The following FAM107A variants were observed in gnomAD, a reference collection of about 807,000 sequenced individuals.
The protein encoded by FAM107A is family with sequence similarity 107 member A.
FAM107A carries 19 observed loss-of-function variants against 13.7 expected under a neutral mutation model. The observed-to-expected ratio is 1.38, with a 90% CI of 0.97 to 2.03. The LOEUF (loss-of-function observed/expected upper bound fraction) is 2.03. Ranked by LOEUF, FAM107A falls within the 30% of genes most tolerant of loss-of-function variation. FAM107A has a pLI of 0.00. For missense variants in FAM107A, 203 were observed against 184.4 expected, an observed-to-expected ratio of 1.10 and a Z score of -0.58; for synonymous variants, 82 against 74.5, an observed-to-expected ratio of 1.10 and a Z score of -0.52.
chr3:58,594,936 G>A (rs2065685522), intron 1 of FAM107A, among the ~76,000 whole-genome samples: 1 of 152,048 alleles, frequency 6.6e-6, no homozygotes, highest in Non-Finnish European at 1.5e-5. Context: ...CCAATTCTTA[G>A]TCCTTTAATA....
upstream of FAM107A, among the ~76,000 whole-genome samples, chr3:58,587,409 C>A (rs1387584462): frequency 6.6e-6 from 1 of 151,870 alleles, no homozygotes; most frequent in African/African-American, 2.4e-5. Context: ...ACTCAGTTTC[C>A]TCATCTGTAA....
exon 1 of FAM107A, chr3:58,586,941 C>G (rs964780202): frequency 6.5e-7 from 1 of 1,527,910 alleles, no homozygotes; most frequent in Admixed American, 2.0e-5. Flanking sequence ...CGCCATGCCC[C>G]CGCGCCTCCT....
chr3:58,602,888 G>T (rs1559484123), intron 1 of FAM107A, among the ~76,000 whole-genome samples: 1 of 152,026 alleles, frequency 6.6e-6, no homozygotes, highest in Non-Finnish European at 1.5e-5. Context: ...ACATGTTTGT[G>T]GGTGTAGATA....
chr3:58,565,491 C>T lies in FAM107A; in HGVS notation c.*1097G>A, dbSNP rs867989627. ...GAATTGCATCGTAACAGTGTGGTCA[C>T]ACTGGTAAGAAATGCAGATTGGCAA... On this transcript the variant is annotated 3_prime_UTR_variant, in exon 4 of 4. Coordinates refer to ENST00000360997, the MANE Select transcript of FAM107A (RefSeq NM_001076778.3). The T allele has an allele frequency of 8.0e-6, 1 of 124,944 alleles. No homozygotes were observed. Among genetic ancestry groups the T allele is most frequent in the Non-Finnish European group, 1.6e-5 (1 of 63,614 alleles). 7.7% of individuals were successfully genotyped at this position (124,944 alleles called of 1,614,324 possible). A position where few individuals can be genotyped will look rare whatever the true frequency, so the allele number is the denominator to read the frequency against.
chr3:58,622,115 C>G (rs767728455), intron 1 of FAM107A, among the ~76,000 whole-genome samples: 4 of 152,172 alleles, frequency 2.6e-5, no homozygotes, highest in Non-Finnish European at 5.9e-5. Context: ...GCAGCCTCTA[C>G]TTTGCTGGGC....
chr3:58,595,423 C>T (rs2065690365), intron 1 of FAM107A, among the ~76,000 whole-genome samples: 1 of 152,144 alleles, frequency 6.6e-6, no homozygotes, highest in South Asian at 2.1e-4. Flanking sequence ...TTTGTTCCTG[C>T]CCCACCTTAA....
At chr3:58,578,625 A>C (rs2063749265), upstream of FAM107A, among the ~76,000 whole-genome samples, 1 of 152,152 alleles carries the variant, frequency 6.6e-6, no homozygotes, top group South Asian at 2.1e-4. Flanking sequence ...ATGTATGTAG[A>C]TCCTTAAGGC....
chr3:58,578,476 G>T (rs1205915088), upstream of FAM107A, among the ~76,000 whole-genome samples: 1 of 149,356 alleles, frequency 6.7e-6, no homozygotes, highest in Non-Finnish European at 1.5e-5. Context: ...GCTGAGGCAG[G>T]AGAATTGCTT....
upstream of FAM107A, among the ~76,000 whole-genome samples, chr3:58,589,008 G>T (rs59686648): frequency 2.0e-5 from 3 of 152,092 alleles, no homozygotes; most frequent in Non-Finnish European, 4.4e-5. Context: ...TGACTTGCTC[G>T]AGATCACATA....
At chr3:58,616,565 A>AC (rs1553631042) in intron 1 of FAM107A, among the ~76,000 whole-genome samples, 99 of 144,880 alleles carry the variant, frequency 6.8e-4, no homozygotes, top group African/African-American at 1.8e-3. Context: ...ACACACACAC[A>AC]CACCACCACT....
intron 1 of FAM107A, among the ~76,000 whole-genome samples, chr3:58,571,739 A>G (rs2063685955): frequency 6.6e-6 from 1 of 152,142 alleles, no homozygotes. Context: ...CCATCCTTTG[A>G]CTGAGTAATT....
chr3:58,577,543 G>C (rs1217345590), upstream of FAM107A: 23 of 985,336 alleles, frequency 2.3e-5, no homozygotes, highest in Non-Finnish European at 2.4e-5. This position sits in a 1 kb window ranked among gnomAD's most constrained non-coding sequence, Gnocchi z 4.9. Context: ...CTTGGTGCAC[G>C]GCCACTTCCA....
chr3:58,577,318 C>T lies in FAM107A; in HGVS notation c.-15G>A, dbSNP rs552694460. The T allele has an allele frequency of 1.9e-5, 19 of 985,268 alleles. No individual in the cohort carries two copies. In the East Asian group the frequency reaches 1.4e-3, roughly 71 times the overall value. 61.0% of individuals were successfully genotyped at this position (985,268 alleles called of 1,614,324 possible). The stretch of plus-strand genomic sequence containing the variant: ...ACAGAGATGGTCTTACTTCTCAGGT[C>T]GAGTCCTTGGGAAGGGAAGTCAGGA... On this transcript the variant is annotated 5_prime_UTR_variant, in exon 1 of 4. Coordinates refer to ENST00000360997, the MANE Select transcript of FAM107A (RefSeq NM_001076778.3). This position sits in a 1 kb window ranked among gnomAD's most constrained non-coding sequence, Gnocchi z 4.9.
chr3:58,626,838 G>A, intron 1 of FAM107A: 1 of 807,020 alleles, frequency 1.2e-6, no homozygotes, highest in African/African-American at 1.7e-5. Context: ...AGTCTTGGCT[G>A]TGAGTTCCAG....
chr3:58,626,695 T>G (rs990758440), intron 1 of FAM107A, among the ~76,000 whole-genome samples: 5 of 152,214 alleles, frequency 3.3e-5, no homozygotes, highest in African/African-American at 1.2e-4. Context: ...AGGGAGCTTT[T>G]ATTCAGGGAA....
intron 1 of FAM107A, among the ~76,000 whole-genome samples, chr3:58,620,134 A>G (rs1236977642): frequency 6.6e-6 from 1 of 152,198 alleles, no homozygotes; most frequent in Non-Finnish European, 1.5e-5. Context: ...TAAACCAAAA[A>G]TCAAACGGCC....
upstream of FAM107A, chr3:58,577,663 C>A (rs1439712283): frequency 1.0e-6 from 1 of 985,214 alleles, no homozygotes; most frequent in Non-Finnish European, 1.2e-6. This position sits in a 1 kb window ranked among gnomAD's most constrained non-coding sequence, Gnocchi z 4.9. Context: ...CTGAGCAAGG[C>A]GGCTCACGTA....
At chr3:58,600,245 C>A (rs146231168) in intron 1 of FAM107A, among the ~76,000 whole-genome samples, 40 of 152,296 alleles carry the variant, frequency 2.6e-4, no homozygotes, top group African/African-American at 8.9e-4. Context: ...ATCCTCACAG[C>A]AACCTTTCAG....
At chr3:58,587,474 AGTGTGTGTGTGTGTGTGTGTGT>A (rs376881213), upstream of FAM107A, among the ~76,000 whole-genome samples, 6 of 145,560 alleles carry the variant, frequency 4.1e-5, no homozygotes, top group East Asian at 1.0e-3. Context: ...ATCAGCTTAG[AGTGTGTGTGTGTGTGTGTGTGT>A]GTGTGTGTGT....
Sources: gnomAD v4.1 joint callset for allele counts (sites outside exome capture counted in the v4.1 genomes callset) on GRCh38, gnomAD v4.1.1 for gene constraint, Gnocchi (gnomAD v3.1) non-coding constraint, MANE v1.5 for transcripts, NCBI Gene and HGNC (gene_info 2026-07-23, HGNC 2026-07-21) for gene names.